KCNJ4: variants seen among roughly 807,000 people sequenced by gnomAD.
The protein encoded by KCNJ4 is inward rectifier potassium channel 4.
KCNJ4 carries 3 observed loss-of-function variants against 25.6 expected under a neutral mutation model. The observed-to-expected ratio is 0.12, with a 90% CI of 0.05 to 0.30. The LOEUF is 0.30. Ranked by LOEUF, KCNJ4 falls within the 10% of genes least tolerant of loss-of-function variation. The probability of loss-of-function intolerance (pLI) is 1.00; values close to 1 mark genes in which losing one functional copy is unlikely to be tolerated. For synonymous variants in KCNJ4, 257 were observed against 283.9 expected, an observed-to-expected ratio of 0.91 and a Z score of 0.95; for missense variants, 286 against 666.8, an observed-to-expected ratio of 0.43 and a Z score of 6.29.
In KCNJ4 at chr22:38,449,976, G is replaced by A. The variant is rs1341452088; in HGVS notation, c.-40+5004C>T. ...CGCCCGTGTGCGCGCCTGCAGGAGCGCGCGTGTGTGACTCAAGGTCTATTC... is the reference window on the plus strand; with the variant it reads ...CGCCCGTGTGCGCGCCTGCAGGAGCACGCGTGTGTGACTCAAGGTCTATTC... On this transcript the variant is annotated intron_variant, in intron 1 of 1. Transcript: ENST00000303592. This position sits in a 1 kb window ranked among gnomAD's most constrained non-coding sequence, Gnocchi z 5.2. 6.6e-6 allele frequency among the ~76,000 whole-genome samples: 1 copy of A among 152,200 alleles called. No individual in the cohort carries two copies. The highest frequency in any genetic ancestry group is 2.4e-5 in the African/African-American group (1 of 41,452).
chr22:38,430,240 C>T (rs774731575), intron 1 of KCNJ4, among the ~76,000 whole-genome samples: 5 of 152,348 alleles, frequency 3.3e-5, no homozygotes, highest in African/African-American at 1.2e-4. Flanking sequence ...CGGTGGCTCA[C>T]GCCTGTAATC....
chr22:38,438,116 G>A (rs2089305609), intron 1 of KCNJ4, among the ~76,000 whole-genome samples: 1 of 151,774 alleles, frequency 6.6e-6, no homozygotes, highest in East Asian at 1.9e-4. Context: ...GCAGGCGCCT[G>A]TAGTCCCAGC....
intron 1 of KCNJ4, among the ~76,000 whole-genome samples, chr22:38,441,387 C>T (rs1201155543): frequency 6.6e-6 from 1 of 152,118 alleles, no homozygotes; most frequent in Non-Finnish European, 1.5e-5. Context: ...TGGTAACAGC[C>T]CATGTCTGAT....
intron 1 of KCNJ4, among the ~76,000 whole-genome samples, chr22:38,434,274 G>A (rs1445540515): frequency 1.3e-5 from 2 of 152,008 alleles, no homozygotes; most frequent in African/African-American, 2.4e-5. Context: ...GATGTGACTG[G>A]CCTGAGGTCA....
Position 38,443,035 on chromosome 22 carries a change from G to A in KCNJ4, c.-40+11945C>T, listed in dbSNP as rs1474524547. On this transcript the variant is annotated intron_variant, in intron 1 of 1. Transcript: ENST00000303592. The surrounding 1 kb of genome is among the most constrained non-coding windows in gnomAD (Gnocchi z 4.1). ...TGGCATGAGCCACCGTGCCCGGCCT[G>A]CAGCCCTTCTTGAAGGGCATGACTT... Among the ~76,000 whole-genome samples the A allele has an allele frequency of 6.6e-6, 1 of 152,114 alleles. No individual in the cohort carries two copies.
chr22:38,426,615 T>C lies in KCNJ4; in HGVS notation c.*180A>G. ...ACTCAGGCTGATCGGGGCCGAGCTC[T>C]TCCCAGGCCTGGGTGCTGGAGTCAG... On this transcript the variant is annotated 3_prime_UTR_variant, in exon 2 of 2. Coordinates refer to ENST00000303592, the MANE Select transcript of KCNJ4 (RefSeq NM_152868.3). 4 of 767,052 alleles carry C rather than the reference T, an allele frequency of 5.2e-6. No individual in the cohort carries two copies. The highest frequency in any genetic ancestry group is 6.3e-6 in the Non-Finnish European group (3 of 479,206). The allele number at this position is 767,052 out of a possible 1,614,324, so 47.5% of individuals were successfully genotyped here. A position where few individuals can be genotyped will look rare whatever the true frequency, so the allele number is the denominator to read the frequency against.
In KCNJ4 at chr22:38,427,344, G is replaced by A. The variant is rs111661324; in HGVS notation, c.789C>T (p.His263=). 5.6e-5 allele frequency: 91 copies of A among 1,614,024 alleles called. No homozygotes were observed. The highest frequency in any genetic ancestry group is 1.1e-4 in the African/African-American group (8 of 75,028). The change falls in exon 2 of 2, where the codon CAC becomes CAT. Residue 263 remains histidine, a synonymous_variant. Transcript: ENST00000303592. Reference sequence around the variant, plus strand: ...AAAGCGGGCTGTCCTCGTCGATCTCGTGGACAATGATGATGGGCGACACCA... The same window carrying A: ...AAAGCGGGCTGTCCTCGTCGATCTCATGGACAATGATGATGGGCGACACCA... ...IFLVSPIIIV[H]EIDEDSPLYG...
chr22:38,450,583 C>T (rs1274082507), intron 1 of KCNJ4, among the ~76,000 whole-genome samples: 3 of 152,200 alleles, frequency 2.0e-5, no homozygotes, highest in African/African-American at 7.2e-5. Flanking sequence ...CCTCTGCATT[C>T]CCGACCTCAC....
chr22:38,437,939 C>T (rs1371980907), intron 1 of KCNJ4, among the ~76,000 whole-genome samples: 1 of 151,982 alleles, frequency 6.6e-6, no homozygotes, highest in African/African-American at 2.4e-5. Flanking sequence ...CCTGTCTCTA[C>T]TAAAACTACA....
chr22:38,445,233 G>A (rs958535784), intron 1 of KCNJ4, among the ~76,000 whole-genome samples: 7 of 152,058 alleles, frequency 4.6e-5, no homozygotes, highest in African/African-American at 1.7e-4. Context: ...TGGCTCTGGA[G>A]GAGCATGGGT....
chr22:38,436,943 C>T (rs1274165755), intron 1 of KCNJ4, among the ~76,000 whole-genome samples: 3 of 152,208 alleles, frequency 2.0e-5, no homozygotes, highest in Admixed American at 6.5e-5. Context: ...ACGCTTGCTT[C>T]CACCTGGTAC....
intron 1 of KCNJ4, among the ~76,000 whole-genome samples, chr22:38,433,758 A>T (rs1358821101): frequency 1.3e-5 from 2 of 152,196 alleles, no homozygotes; most frequent in African/African-American, 4.8e-5. Context: ...CAGCTGTGGA[A>T]GGAAGCTCAG....
At chr22:38,444,527 C>A (rs1284053776) in intron 1 of KCNJ4, among the ~76,000 whole-genome samples, 1 of 152,184 alleles carries the variant, frequency 6.6e-6, no homozygotes. Context: ...GGCTTCTCTT[C>A]CCAGGTGTCC....
At chr22:38,440,506 C>T (rs2089324917) in intron 1 of KCNJ4, among the ~76,000 whole-genome samples, 1 of 152,206 alleles carries the variant, frequency 6.6e-6, no homozygotes, top group African/African-American at 2.4e-5. Context: ...CTTGCCACTG[C>T]ACTCCAGCCT....
intron 1 of KCNJ4, among the ~76,000 whole-genome samples, chr22:38,438,778 T>C (rs1284843058): frequency 6.6e-6 from 1 of 151,564 alleles, no homozygotes; most frequent in Non-Finnish European, 1.5e-5. Flanking sequence ...GAAGGCCAGG[T>C]TGTGGCTGTG....
intron 1 of KCNJ4, among the ~76,000 whole-genome samples, chr22:38,429,421 C>T (rs1043508296): frequency 2.0e-5 from 3 of 152,138 alleles, no homozygotes; most frequent in Non-Finnish European, 4.4e-5. Flanking sequence ...GAGTTGATGG[C>T]GGGGAGACAG....
At chr22:38,452,395 A>G (rs1248898156) in intron 1 of KCNJ4, among the ~76,000 whole-genome samples, 2 of 152,042 alleles carry the variant, frequency 1.3e-5, no homozygotes, top group South Asian at 2.1e-4. Context: ...GATCTCCCCA[A>G]GACTGGAGCC....
chr22:38,442,478 C>T (rs979057482), intron 1 of KCNJ4, among the ~76,000 whole-genome samples: 4 of 141,254 alleles, frequency 2.8e-5, no homozygotes, highest in Non-Finnish European at 1.5e-5. Context: ...ACCCGGTAGA[C>T]GGAGCTTGCA....
Position 38,426,857 on chromosome 22 carries a change from C to G in KCNJ4, c.1276G>C (p.Glu426Gln). 1 of 1,613,490 alleles carries G rather than the reference C, an allele frequency of 6.2e-7. No individual in the cohort carries two copies. Among genetic ancestry groups the G allele is most frequent in the Non-Finnish European group, 8.5e-7 (1 of 1,179,954 alleles). ...MLEFGSHLDL[E>Q]RMQASLPLDN... is the part of the protein sequence containing the mutation. ...AGCGGGAGGGAAGCCTGCATGCGCTCCAGGTCCAGGTGGCTGCCGAACTCC... is the reference window on the plus strand; with the variant it reads ...AGCGGGAGGGAAGCCTGCATGCGCTGCAGGTCCAGGTGGCTGCCGAACTCC... Residue 426 changes from glutamate (E) to glutamine (Q), a missense_variant, in exon 2 of 2, where the codon GAG becomes CAG. Glu to Gln is a conservative substitution (Grantham distance 29). Transcript: ENST00000303592.
Sources: gnomAD v4.1 joint callset for allele counts (sites outside exome capture counted in the v4.1 genomes callset) on GRCh38, gnomAD v4.1.1 for gene constraint, Gnocchi (gnomAD v3.1) non-coding constraint, MANE v1.5 for transcripts, NCBI Gene and HGNC (gene_info 2026-07-23, HGNC 2026-07-21) for gene names.